SORCS1: variants seen among roughly 807,000 people sequenced by gnomAD.
SORCS1 encodes VPS10 domain-containing receptor SorCS1.
SORCS1 carries 60 observed loss-of-function variants against 146.1 expected under a neutral mutation model. That is an observed-to-expected ratio of 0.41 (90% CI 0.33 to 0.51). The LOEUF (loss-of-function observed/expected upper bound fraction) is 0.51, where lower values mean the gene tolerates loss of function less well. Ranked by LOEUF, SORCS1 falls within the 20% of genes least tolerant of loss-of-function variation. The pLI is 0.21. For synonymous variants in SORCS1, 637 were observed against 584.0 expected, an observed-to-expected ratio of 1.09 and a Z score of -1.31; for missense variants, 1,352 against 1,487.6, an observed-to-expected ratio of 0.91 and a Z score of 1.50.
intron 6 of SORCS1, among the ~76,000 whole-genome samples, chr10:106,716,935 C>A (rs12268962): frequency 0.036 from 5,511 of 152,112 alleles, 296 homozygotes; most frequent in African/African-American, 0.12. Context: ...CAGGAGTTTG[C>A]GACCAGCCTG....
At chr10:106,843,166 G>C (rs1395085000) in intron 2 of SORCS1, among the ~76,000 whole-genome samples, 1 of 152,080 alleles carries the variant, frequency 6.6e-6, no homozygotes, top group Non-Finnish European at 1.5e-5. Context: ...GCATTAACTA[G>C]AGTTACTATG....
intron 2 of SORCS1, among the ~76,000 whole-genome samples, chr10:106,945,486 G>A (rs914413285): frequency 1.3e-5 from 2 of 152,182 alleles, no homozygotes; most frequent in Admixed American, 1.3e-4. Flanking sequence ...GGAACTATGA[G>A]GATGTGGAAG....
chr10:106,587,701 C>T (rs1380777963), intron 24 of SORCS1, among the ~76,000 whole-genome samples: 3 of 152,116 alleles, frequency 2.0e-5, no homozygotes, highest in Admixed American at 2.0e-4. Context: ...GCCATAGAGG[C>T]CAAGATAACA....
chr10:106,682,019 T>C (rs1852471044), intron 10 of SORCS1, among the ~76,000 whole-genome samples: 1 of 152,092 alleles, frequency 6.6e-6, no homozygotes. Context: ...TCCCAGCTAC[T>C]CGGGAGGCTG....
rs995491353 is a variant in SORCS1, at chr10:106,960,711, TAGAG to T, written c.559-4135_559-4132del. Among the ~76,000 whole-genome samples the T allele has an allele frequency of 4.6e-5, 7 of 152,106 alleles. No homozygotes were observed. The highest frequency in any genetic ancestry group is 1.4e-4 in the African/African-American group (6 of 41,420). On this transcript the variant is annotated intron_variant, in intron 1 of 25. Transcript: ENST00000263054. This position sits in a 1 kb window ranked among gnomAD's most constrained non-coding sequence, Gnocchi z 4.4. Reference sequence around the variant, plus strand: ...CCACTGCGCCCAGCCAGTCCATACTTAGAGAGAGGATGCCAGTGCCCACTCACCA... The same window carrying T: ...CCACTGCGCCCAGCCAGTCCATACTTAGAGGATGCCAGTGCCCACTCACCA...
rs41291866 is a variant in SORCS1 at position 106,706,715 on chromosome 10, G to A, written c.1144-81C>T. The A allele has an allele frequency of 2.7e-3, 3,507 of 1,305,038 alleles. 5 individuals are homozygous for A. Among genetic ancestry groups the A allele is most frequent in the Non-Finnish European group, 3.5e-3 (3,186 of 904,820 alleles). 80.8% of individuals were successfully genotyped at this position (1,305,038 alleles called of 1,614,324 possible). On this transcript the variant is annotated intron_variant, in intron 7 of 25. Transcript: ENST00000263054. The stretch of plus-strand genomic sequence containing the variant: ...CACAGAACAGTCACCTGAATGGAAG[G>A]AGGAAGCTTCCAACACAACAAATGG...
intron 1 of SORCS1, among the ~76,000 whole-genome samples, chr10:106,969,362 C>G (rs553818313): frequency 6.6e-6 from 1 of 152,126 alleles, no homozygotes; most frequent in Admixed American, 6.5e-5. Context: ...GTAGGTTATA[C>G]TTTTAGAAGA....
At chr10:107,157,192 G>A in intron 1 of SORCS1, among the ~76,000 whole-genome samples, 1 of 151,914 alleles carries the variant, frequency 6.6e-6, no homozygotes, top group Admixed American at 6.6e-5. Flanking sequence ...TGCCTGTGAT[G>A]GGCTTCAGAC....
At chr10:106,985,480 T>G (rs1400052318) in intron 1 of SORCS1, among the ~76,000 whole-genome samples, 2 of 151,444 alleles carry the variant, frequency 1.3e-5, no homozygotes, top group Non-Finnish European at 2.9e-5. Context: ...GTCTACAGAG[T>G]GTCAGCTATG....
intron 6 of SORCS1, among the ~76,000 whole-genome samples, chr10:106,713,168 A>G (rs997390331): frequency 2.0e-5 from 3 of 150,910 alleles, no homozygotes; most frequent in African/African-American, 7.4e-5. Context: ...TATAACGAGT[A>G]TGACAACTAG....
At chr10:107,087,842 G>C (rs1257991941) in intron 1 of SORCS1, among the ~76,000 whole-genome samples, 1 of 152,242 alleles carries the variant, frequency 6.6e-6, no homozygotes, top group Non-Finnish European at 1.5e-5. Context: ...GCTCCTGCCT[G>C]TTTCCCTTTT....
At chr10:107,033,656 T>G (rs1474841819) in intron 1 of SORCS1, among the ~76,000 whole-genome samples, 1 of 152,236 alleles carries the variant, frequency 6.6e-6, no homozygotes, top group Non-Finnish European at 1.5e-5. Flanking sequence ...GAGATTCCCT[T>G]GTTTTACAGA....
chr10:106,884,377 A>G (rs1419870247), intron 2 of SORCS1, among the ~76,000 whole-genome samples: 1 of 152,136 alleles, frequency 6.6e-6, no homozygotes, highest in East Asian at 1.9e-4. Context: ...TTTGTCTTAT[A>G]TTCTGGGAAA....
rs183716568 is a variant in SORCS1 at position 106,844,365 on chromosome 10, T to C, written c.627-14692A>G. ...TGGTGTCTGTGCTTTTGGTGTCAAA[T>C]TAAAATAAAATCATTTCTAAGACCA... On this transcript the variant is annotated intron_variant, in intron 2 of 25. Transcript: ENST00000263054. Among the ~76,000 whole-genome samples the C allele has an allele frequency of 5.2e-3, 789 of 152,208 alleles. 8 individuals carry two copies. Among genetic ancestry groups the C allele is most frequent in the African/African-American group, 0.018 (751 of 41,566 alleles).
intron 2 of SORCS1, among the ~76,000 whole-genome samples, chr10:106,838,688 T>TA (rs1401812280): frequency 6.6e-6 from 1 of 152,240 alleles, no homozygotes; most frequent in Non-Finnish European, 1.5e-5. Context: ...TACCTTGTTT[T>TA]ATTGCACTTT....
intron 2 of SORCS1, among the ~76,000 whole-genome samples, chr10:106,940,348 C>A (rs117790665): frequency 6.6e-6 from 1 of 152,116 alleles, no homozygotes; most frequent in Non-Finnish European, 1.5e-5. Context: ...TTTAACTTGG[C>A]GCTTCTTGTT....
intron 6 of SORCS1, among the ~76,000 whole-genome samples, chr10:106,725,594 A>G (rs1339088112): frequency 2.1e-5 from 3 of 143,632 alleles, no homozygotes. Context: ...AAATAATAAC[A>G]GTAATGAATG....
At chr10:106,645,568 T>C (rs1449251341) in intron 18 of SORCS1, among the ~76,000 whole-genome samples, 1 of 152,170 alleles carries the variant, frequency 6.6e-6, no homozygotes, top group East Asian at 1.9e-4. Context: ...TTGCATTACA[T>C]AGGGATGTTC....
Position 106,896,897 on chromosome 10 carries a change from T to G in SORCS1, c.626+59616A>C, listed in dbSNP as rs568715595. Among the ~76,000 whole-genome samples the G allele has an allele frequency of 1.5e-4, 22 of 149,038 alleles. No individual in the cohort carries two copies. The South Asian group carries it at 4.9e-3, about 33-fold the overall frequency. On this transcript the variant is annotated intron_variant, in intron 2 of 25. Transcript: ENST00000263054. ...TCTATGCACCAAATACTGTTTTTTT[T>G]TTTTTTTTTTTGAGATGGAGTCTTG...
Sources: gnomAD v4.1 joint callset for allele counts (sites outside exome capture counted in the v4.1 genomes callset) on GRCh38, gnomAD v4.1.1 for gene constraint, Gnocchi (gnomAD v3.1) non-coding constraint, MANE v1.5 for transcripts, NCBI Gene and HGNC (gene_info 2026-07-23, HGNC 2026-07-21) for gene names.